The following KIF13B variants were observed in gnomAD, a reference collection of about 807,000 sequenced individuals.
The protein encoded by KIF13B is kinesin family member 13B, also known as kinesin-like protein KIF13B.
KIF13B carries 127 observed loss-of-function variants against 222.0 expected under a neutral mutation model. The observed-to-expected ratio is 0.57, with a 90% confidence interval of 0.50 to 0.66. The LOEUF (loss-of-function observed/expected upper bound fraction) is 0.66. KIF13B is among the 30% of genes least tolerant of loss of function. KIF13B has a pLI of 0.00. For synonymous variants in KIF13B, 976 were observed against 919.0 expected, an observed-to-expected ratio of 1.06 and a Z score of -1.12; for missense variants, 2,173 against 2,379.0, an observed-to-expected ratio of 0.91 and a Z score of 1.80.
At chr8:29,251,440 A>G (rs1451631375) in intron 1 of KIF13B, among the ~76,000 whole-genome samples, 1 of 152,246 alleles carries the variant, frequency 6.6e-6, no homozygotes, top group Non-Finnish European at 1.5e-5. Context: ...AAAAGTATTC[A>G]GCCTTAAAAA....
intron 1 of KIF13B, among the ~76,000 whole-genome samples, chr8:29,249,774 A>G (rs1262150145): frequency 6.6e-6 from 1 of 152,246 alleles, no homozygotes; most frequent in Admixed American, 6.5e-5. Context: ...TCAAGCAAAG[A>G]GCAAAGAGAA....
chr8:29,159,148 G>C (rs887787021), intron 13 of KIF13B, among the ~76,000 whole-genome samples: 1 of 152,054 alleles, frequency 6.6e-6, no homozygotes, highest in African/African-American at 2.4e-5. Flanking sequence ...AGTAAGTAAT[G>C]TGATAATACA....
chr8:29,226,126 T>C (rs1317671171), intron 2 of KIF13B, among the ~76,000 whole-genome samples: 1 of 152,190 alleles, frequency 6.6e-6, no homozygotes, highest in African/African-American at 2.4e-5. Context: ...TGATTCATCT[T>C]TGATGTAAAA....
intron 2 of KIF13B, among the ~76,000 whole-genome samples, chr8:29,212,224 TA>T (rs1296709074): frequency 6.6e-6 from 1 of 152,192 alleles, no homozygotes; most frequent in Admixed American, 6.5e-5. Context: ...GGTCACATGG[TA>T]AGTATGTTTA....
At chr8:29,076,229 C>T (rs1807552842) in intron 37 of KIF13B, among the ~76,000 whole-genome samples, 2 of 152,130 alleles carry the variant, frequency 1.3e-5, no homozygotes, top group Admixed American at 6.5e-5. Context: ...CCACTTCTGC[C>T]CCTCCCCCTC....
intron 1 of KIF13B, among the ~76,000 whole-genome samples, chr8:29,245,935 C>T (rs191720789): frequency 3.3e-5 from 5 of 152,154 alleles, no homozygotes; most frequent in East Asian, 1.9e-4. Flanking sequence ...TTTATAATAG[C>T]GTCAAAAATA....
Position 29,123,396 on chromosome 8 carries a change from C to G in KIF13B, c.3449G>C (p.Gly1150Ala). ...TGCTGGGGCCCCTGGAATACCACTGCCAGCAGAGGGGACCATCACCGCGTT... is the reference window on the plus strand; with the variant it reads ...TGCTGGGGCCCCTGGAATACCACTGGCAGCAGAGGGGACCATCACCGCGTT... ...ERNAVMVPSA[G>A]SGIPGAPAEW... Residue 1150 changes from glycine to alanine, a missense_variant, in exon 28 of 40, where the codon GGC becomes GCC. Physicochemically the swap from Gly to Ala is moderately conservative, Grantham distance 60. Coordinates refer to ENST00000524189, the MANE Select transcript of KIF13B (RefSeq NM_015254.4). The G allele has an allele frequency of 1.9e-6, 3 of 1,614,020 alleles. No homozygotes were observed. The highest frequency in any genetic ancestry group is 2.5e-6 in the Non-Finnish European group (3 of 1,179,906).
Position 29,181,987 on chromosome 8 carries a change from C to T in KIF13B, c.517G>A (p.Val173Ile). The T allele has an allele frequency of 6.2e-7, 1 of 1,613,086 alleles. No homozygotes were observed. ...DPKGSRQTLK[V>I]REHSVLGPYV... is the part of the protein sequence containing the mutation. Reference sequence around the variant, plus strand: ...GGTCCCAACACACTATGCTCTCTGACTTTCAACGTCTGACGGCTTCTGTTC... The same window carrying T: ...GGTCCCAACACACTATGCTCTCTGATTTTCAACGTCTGACGGCTTCTGTTC... Residue 173 changes from valine (V) to isoleucine (I), a missense_variant, in exon 7 of 40, where the codon GTC becomes ATC. By Grantham distance (29) the Val-to-Ile change is conservative. Transcript: ENST00000524189.
At chr8:29,151,591 C>T (rs983145549) in intron 14 of KIF13B, among the ~76,000 whole-genome samples, 1 of 152,208 alleles carries the variant, frequency 6.6e-6, no homozygotes, top group African/African-American at 2.4e-5. Context: ...GCTAAATCAG[C>T]TCTGCCTGTG....
chr8:29,251,079 A>G (rs936570261), intron 1 of KIF13B, among the ~76,000 whole-genome samples: 1 of 151,096 alleles, frequency 6.6e-6, no homozygotes, highest in African/African-American at 2.4e-5. Context: ...TGAACCCGGG[A>G]GGCAGAGGTT....
At chr8:29,241,099 A>G (rs1330237155) in intron 2 of KIF13B, among the ~76,000 whole-genome samples, 1 of 152,230 alleles carries the variant, frequency 6.6e-6, no homozygotes, top group Admixed American at 6.5e-5. Context: ...GATACAACAG[A>G]CTATTATTTC....
At chr8:29,117,721 T>A (rs1260589153) in intron 30 of KIF13B, among the ~76,000 whole-genome samples, 8 of 152,204 alleles carry the variant, frequency 5.3e-5, no homozygotes, top group African/African-American at 1.9e-4. Flanking sequence ...ATATCACATA[T>A]CAGCTTTCCT....
intron 21 of KIF13B, among the ~76,000 whole-genome samples, chr8:29,135,927 G>A (rs1212317254): frequency 6.7e-6 from 1 of 149,876 alleles, no homozygotes; most frequent in East Asian, 1.9e-4. Flanking sequence ...AACACATTTC[G>A]AGAAGTATTG....
At chr8:29,165,615 C>T (rs776719175) in intron 12 of KIF13B, 47 bp downstream of exon 12, 1 of 1,261,290 alleles carries the variant, frequency 7.9e-7, no homozygotes, top group East Asian at 2.3e-5. Flanking sequence ...TCCCATTGTG[C>T]AAACTGCCAT....
intron 18 of KIF13B, among the ~76,000 whole-genome samples, chr8:29,143,895 T>C (rs903072701): frequency 6.6e-6 from 1 of 151,920 alleles, no homozygotes; most frequent in African/African-American, 2.4e-5. Context: ...ATTATGCAAG[T>C]ATCACACCTC....
intron 36 of KIF13B, among the ~76,000 whole-genome samples, chr8:29,095,798 CA>C (rs988076621): frequency 4.0e-5 from 6 of 151,728 alleles, no homozygotes; most frequent in Non-Finnish European, 7.4e-5. Flanking sequence ...AACAAAACTA[CA>C]GAATATTCTT....
In KIF13B at chr8:29,072,042, G is replaced by A; in HGVS notation, c.4796C>T (p.Pro1599Leu). 7.7e-7 allele frequency: 1 copy of A among 1,300,332 alleles called. No homozygotes were observed. Among genetic ancestry groups the A allele is most frequent in the Non-Finnish European group, 9.7e-7 (1 of 1,026,078 alleles). The allele number at this position is 1,300,332 out of a possible 1,614,324, so 80.5% of individuals were successfully genotyped here. ...GATGGGCGCCTCGGGCTCGGCCTCAGGGGCGGTGGGCATGGACCCCGGCGG... is the reference window on the plus strand; with the variant it reads ...GATGGGCGCCTCGGGCTCGGCCTCAAGGGCGGTGGGCATGGACCCCGGCGG... ...AAPPGSMPTA[P>L]EAEPEAPISH... Residue 1599 changes from proline (P) to leucine (L), a missense_variant, in exon 39 of 40, where the codon CCT becomes CTT. Pro to Leu is a moderately conservative substitution (Grantham distance 98). Coordinates refer to ENST00000524189, the MANE Select transcript of KIF13B (RefSeq NM_015254.4).
chr8:29,100,708 C>A (rs1441601256), intron 35 of KIF13B, among the ~76,000 whole-genome samples: 1 of 152,166 alleles, frequency 6.6e-6, no homozygotes, highest in Non-Finnish European at 1.5e-5. Flanking sequence ...CCTCGGCCTC[C>A]CAAAGTGCTG....
At chr8:29,073,976 A>G (rs1807435618) in intron 38 of KIF13B, among the ~76,000 whole-genome samples, 1 of 152,208 alleles carries the variant, frequency 6.6e-6, no homozygotes, top group African/African-American at 2.4e-5. Flanking sequence ...CACATTGTCC[A>G]TGTTTTATTT....
Sources: allele counts gnomAD v4.1 joint callset (sites outside exome capture counted in the v4.1 genomes callset), GRCh38; gene constraint gnomAD v4.1.1; transcripts MANE v1.5; gene names NCBI Gene and HGNC (gene_info 2026-07-23, HGNC 2026-07-21).